FMN2: variants seen among roughly 807,000 people sequenced by gnomAD.
FMN2 encodes formin-2.
A neutral mutation model predicts 142.3 loss-of-function variants in FMN2; 51 were observed. The observed-to-expected ratio is 0.36, with a 90% CI of 0.29 to 0.45. The LOEUF (loss-of-function observed/expected upper bound fraction) is 0.45. Among genes scored for constraint, FMN2 ranks in the 20% least tolerant of loss-of-function variants. The pLI is 1.00. For synonymous variants in FMN2, 882 were observed against 869.8 expected (o/e 1.01, Z -0.25); for missense variants, 1,936 against 2,122.8 (o/e 0.91, Z 1.73).
intron 15 of FMN2, among the ~76,000 whole-genome samples, chr1:240,397,345 C>T (rs1427597961): frequency 2.6e-5 from 4 of 152,070 alleles, no homozygotes; most frequent in Non-Finnish European, 5.9e-5. Context: ...GTATTGCAAT[C>T]TTGAGTCTGA....
intron 15 of FMN2, among the ~76,000 whole-genome samples, chr1:240,399,153 A>G (rs1190348990): frequency 6.6e-6 from 1 of 152,176 alleles, no homozygotes; most frequent in Non-Finnish European, 1.5e-5. Context: ...AACAATGTCC[A>G]CATTATAAAT....
chr1:240,221,943 G>A (rs1241466540), intron 6 of FMN2, among the ~76,000 whole-genome samples: 1 of 149,658 alleles, frequency 6.7e-6, no homozygotes, highest in African/African-American at 2.5e-5. Context: ...TGCCTCCTGG[G>A]TTCAAGCAAT....
At chr1:240,417,196 A>G (rs1674604949) in intron 15 of FMN2, among the ~76,000 whole-genome samples, 1 of 149,564 alleles carries the variant, frequency 6.7e-6, no homozygotes, top group Admixed American at 6.8e-5. Flanking sequence ...CTTGAGAAGA[A>G]TCAGTTTGCC....
At chr1:240,155,679 G>A (rs748857862) in intron 2 of FMN2, among the ~76,000 whole-genome samples, 2 of 152,082 alleles carry the variant, frequency 1.3e-5, no homozygotes, top group Non-Finnish European at 2.9e-5. Context: ...TCATTTTGGT[G>A]ACTTACTAGA....
chr1:240,337,382 A>G (rs979474031), intron 13 of FMN2, among the ~76,000 whole-genome samples: 4 of 151,904 alleles, frequency 2.6e-5, no homozygotes, highest in Non-Finnish European at 5.9e-5. Context: ...ACTTCCAGCT[A>G]ATTTTTTGTA....
At chr1:240,320,115 T>C (rs1193464084) in intron 8 of FMN2, among the ~76,000 whole-genome samples, 8 of 152,158 alleles carry the variant, frequency 5.3e-5, no homozygotes, top group Non-Finnish European at 1.2e-4. Flanking sequence ...GCAAACACAG[T>C]AAATCTTGAG....
intron 5 of FMN2, among the ~76,000 whole-genome samples, chr1:240,209,061 C>A (rs1365019840): frequency 6.6e-6 from 1 of 152,024 alleles, no homozygotes; most frequent in African/African-American, 2.4e-5. Flanking sequence ...TGTAAGACTG[C>A]TACTTATTTA....
intron 2 of FMN2, among the ~76,000 whole-genome samples, chr1:240,146,581 C>G (rs1663491195): frequency 7.1e-6 from 1 of 140,576 alleles, no homozygotes; most frequent in Admixed American, 7.2e-5. Flanking sequence ...GCATGCAACT[C>G]TAGTCCCAGT....
At chr1:240,227,869 C>T (rs530548326) in intron 6 of FMN2, among the ~76,000 whole-genome samples, 1 of 152,038 alleles carries the variant, frequency 6.6e-6, no homozygotes, top group Non-Finnish European at 1.5e-5. Flanking sequence ...ACAATACCAT[C>T]AAAAAACTTA....
At chr1:240,263,353 GTCAAC>G (rs1668693293) in intron 7 of FMN2, among the ~76,000 whole-genome samples, 1 of 152,174 alleles carries the variant, frequency 6.6e-6, no homozygotes, top group Non-Finnish European at 1.5e-5. Flanking sequence ...CATCTAGAAA[GTCAAC>G]TCAGCCAGTG....
At chr1:240,266,003 C>T (rs1189261250) in intron 7 of FMN2, among the ~76,000 whole-genome samples, 1 of 136,416 alleles carries the variant, frequency 7.3e-6, no homozygotes, top group African/African-American at 2.8e-5. Context: ...GGTGTAGAAT[C>T]CAGAATCTGT....
intron 8 of FMN2, among the ~76,000 whole-genome samples, chr1:240,312,686 G>A (rs1359433738): frequency 1.3e-5 from 2 of 152,310 alleles, no homozygotes; most frequent in East Asian, 3.9e-4. Flanking sequence ...TTGGAAGAAA[G>A]AGTAATTCTG....
intron 2 of FMN2, among the ~76,000 whole-genome samples, chr1:240,165,061 C>T (rs1664425903): frequency 6.6e-6 from 1 of 152,076 alleles, no homozygotes; most frequent in Non-Finnish European, 1.5e-5. Flanking sequence ...ATTTTTTATT[C>T]AGCTGCTTCT....
intron 7 of FMN2, among the ~76,000 whole-genome samples, chr1:240,280,071 C>T (rs911729684): frequency 6.6e-6 from 1 of 152,008 alleles, no homozygotes; most frequent in Non-Finnish European, 1.5e-5. Flanking sequence ...GAGCTCTGAT[C>T]TTCTCAGTCA....
chr1:240,448,899 T>C (rs1558113201), intron 16 of FMN2, among the ~76,000 whole-genome samples: 1 of 152,072 alleles, frequency 6.6e-6, no homozygotes, highest in African/African-American at 2.4e-5. Context: ...TCCCAGTACT[T>C]TGGGGGGCCA....
At chr1:240,327,816 T>C (rs1671220751) in intron 8 of FMN2, among the ~76,000 whole-genome samples, 2 of 151,936 alleles carry the variant, frequency 1.3e-5, no homozygotes, top group Non-Finnish European at 2.9e-5. Flanking sequence ...AGAAGACACT[T>C]AAGAAGAAAA....
At chr1:240,354,558 A>G (rs1011685761) in intron 13 of FMN2, among the ~76,000 whole-genome samples, 4 of 152,168 alleles carry the variant, frequency 2.6e-5, no homozygotes, top group African/African-American at 7.2e-5. Context: ...CTACCTGGGC[A>G]CAGGTGAGGG....
intron 2 of FMN2, among the ~76,000 whole-genome samples, chr1:240,171,897 G>GTATTTA (rs202006044): frequency 6.6e-6 from 1 of 151,888 alleles, no homozygotes; most frequent in Non-Finnish European, 1.5e-5. Context: ...TAGAAAGTTT[G>GTATTTA]TTTTCTTTAA....
chr1:240,242,314 A>C (rs770478079), intron 6 of FMN2, among the ~76,000 whole-genome samples: 27 of 152,318 alleles, frequency 1.8e-4, no homozygotes, highest in Non-Finnish European at 3.7e-4. Context: ...AAGATAGTCG[A>C]GGGAGATATT....
Sources: allele counts gnomAD v4.1 joint callset (sites outside exome capture counted in the v4.1 genomes callset), GRCh38; gene constraint gnomAD v4.1.1; transcripts MANE v1.5; gene names NCBI Gene and HGNC (gene_info 2026-07-23, HGNC 2026-07-21).